The following RSU1 variants were observed in gnomAD, a reference collection of about 807,000 sequenced individuals.
RSU1 encodes the protein Ras suppressor protein 1, also known as rsu-1.
In RSU1, 26 loss-of-function variants were observed where a neutral mutation model predicts 31.1. That is an observed-to-expected ratio of 0.84 (90% CI 0.61 to 1.16). RSU1 has a LOEUF of 1.16. Ranked by LOEUF, RSU1 falls within the 50% of genes most tolerant of loss-of-function variation. The probability of loss-of-function intolerance (pLI) is 0.00; values close to 1 mark genes in which losing one functional copy is unlikely to be tolerated. For synonymous variants in RSU1, 164 were observed against 136.3 expected (o/e 1.20, Z -1.41); for missense variants, 320 against 339.1 (o/e 0.94, Z 0.44).
rs114021664 is a variant in RSU1, at chr10:16,788,971, A to T, written c.110-6887T>A. Among the ~76,000 whole-genome samples, 1,033 of 152,328 alleles carry T rather than the reference A, an allele frequency of 6.8e-3. 17 individuals carry two copies. The highest frequency in any genetic ancestry group is 0.024 in the African/African-American group (994 of 41,564). ...CAGACCATCCATCTGAGAGTCACTG[A>T]AGTCAAAAGAAAACTGAAGGTACTC... On this transcript the variant is annotated intron_variant, in intron 2 of 8. Transcript: ENST00000345264.
At chr10:16,681,658 C>G (rs536904862) in intron 8 of RSU1, among the ~76,000 whole-genome samples, 120 of 152,050 alleles carry the variant, frequency 7.9e-4, no homozygotes, top group Non-Finnish European at 1.0e-3. Context: ...CAGAGATGAT[C>G]TAGTTTGAAA....
At position 16,607,886 on chromosome 10, in the gene RSU1, CAG is replaced by C. The variant is rs1363660401; in HGVS notation, c.732-14392_732-14391del. Among the ~76,000 whole-genome samples, 4 of 152,256 alleles carry C rather than the reference CAG, an allele frequency of 2.6e-5. No homozygotes were observed. The East Asian group carries it at 5.8e-4, about 22-fold the overall frequency. ...ATAATTATCGTGAGTTTTTTTGAGA[CAG>C]AGTCTTGCTCTGTCACCCAGCTGGA... On this transcript the variant is annotated intron_variant, in intron 8 of 8. Transcript: ENST00000345264.
At chr10:16,705,018 A>T (rs994628886) in intron 7 of RSU1, among the ~76,000 whole-genome samples, 1 of 152,278 alleles carries the variant, frequency 6.6e-6, no homozygotes, top group Admixed American at 6.5e-5. Context: ...CCATGCAACA[A>T]TAACTCCCCA....
At chr10:16,615,225 G>A (rs919147284) in intron 8 of RSU1, among the ~76,000 whole-genome samples, 7 of 151,996 alleles carry the variant, frequency 4.6e-5, no homozygotes, top group African/African-American at 1.7e-4. Context: ...AAAAGCAGGG[G>A]TTGCAATTCT....
chr10:16,689,095 G>T (rs1835494888), intron 8 of RSU1, among the ~76,000 whole-genome samples: 1 of 151,696 alleles, frequency 6.6e-6, no homozygotes, highest in African/African-American at 2.4e-5. Flanking sequence ...GGCTTAATTT[G>T]AGCTATTTTC....
At chr10:16,808,297 G>A (rs1838319628) in intron 2 of RSU1, among the ~76,000 whole-genome samples, 1 of 151,612 alleles carries the variant, frequency 6.6e-6, no homozygotes, top group African/African-American at 2.4e-5. Context: ...GGTCAACATG[G>A]CAAAACCCCA....
Position 16,695,182 on chromosome 10 carries a change from G to A in RSU1, c.599-27C>T. The A allele has an allele frequency of 1.9e-6, 3 of 1,550,852 alleles. No individual in the cohort carries two copies. The South Asian group carries it at 3.4e-5, about 18-fold the overall frequency. On this transcript the variant is annotated intron_variant, in intron 7 of 8. Transcript: ENST00000345264. ...TGGGGGGGGGGAAAAAAAAAGTGAAGGTCACTTCATCCAATACAGATCAGG... is the reference window on the plus strand; with the variant it reads ...TGGGGGGGGGGAAAAAAAAAGTGAAAGTCACTTCATCCAATACAGATCAGG...
chr10:16,717,145 A>G (rs1836159057), intron 7 of RSU1, among the ~76,000 whole-genome samples: 1 of 152,192 alleles, frequency 6.6e-6, no homozygotes, highest in Non-Finnish European at 1.5e-5. Flanking sequence ...TACAGAACCT[A>G]AACTTAAGTT....
chr10:16,660,311 T>G (rs1834864035), intron 8 of RSU1, among the ~76,000 whole-genome samples: 1 of 152,160 alleles, frequency 6.6e-6, no homozygotes, highest in Admixed American at 6.5e-5. Context: ...CAGGGGGAAT[T>G]GGCTTGAACA....
At chr10:16,632,712 G>A (rs1834274846) in intron 8 of RSU1, among the ~76,000 whole-genome samples, 1 of 152,138 alleles carries the variant, frequency 6.6e-6, no homozygotes, top group Non-Finnish European at 1.5e-5. Context: ...GCCGAGATGG[G>A]CATATCACTT....
chr10:16,708,644 G>T (rs886481392), intron 7 of RSU1, among the ~76,000 whole-genome samples: 1 of 151,876 alleles, frequency 6.6e-6, no homozygotes, highest in African/African-American at 2.4e-5. Context: ...GATAGGAATT[G>T]CATCAAATCT....
At chr10:16,767,858 C>G (rs1485661268) in intron 3 of RSU1, among the ~76,000 whole-genome samples, 1 of 152,148 alleles carries the variant, frequency 6.6e-6, no homozygotes, top group Non-Finnish European at 1.5e-5. Context: ...GGAAAATAAA[C>G]TACTCCCAAC....
chr10:16,792,002 C>T lies in RSU1; in HGVS notation c.110-9918G>A, dbSNP rs118078897. 1.3e-3 allele frequency among the ~76,000 whole-genome samples: 203 copies of T among 152,172 alleles called. 1 individual carries two copies. The highest frequency in any genetic ancestry group is 4.2e-3 in the African/African-American group (175 of 41,506). ...GCACTTACATCCAGACAGATGAGGG[C>T]GAACAAAGCCAGGATGAGACACGGG... On this transcript the variant is annotated intron_variant, in intron 2 of 8. Transcript: ENST00000345264.
chr10:16,649,589 A>T (rs2131512847), intron 8 of RSU1, among the ~76,000 whole-genome samples: 1 of 152,306 alleles, frequency 6.6e-6, no homozygotes, highest in African/African-American at 2.4e-5. Context: ...AAAACTGCCA[A>T]AGAGGAAAAT....
At chr10:16,703,997 T>C (rs1170410629) in intron 7 of RSU1, among the ~76,000 whole-genome samples, 1 of 152,180 alleles carries the variant, frequency 6.6e-6, no homozygotes, top group East Asian at 1.9e-4. Flanking sequence ...GAAGCCCTAG[T>C]GTTTGCATTT....
chr10:16,706,517 T>C (rs1588482381), intron 7 of RSU1, among the ~76,000 whole-genome samples: 1 of 152,214 alleles, frequency 6.6e-6, no homozygotes, highest in Non-Finnish European at 1.5e-5. Context: ...TTATCAGATA[T>C]ACAATTTACA....
chr10:16,706,894 C>T (rs1388861559), intron 7 of RSU1, among the ~76,000 whole-genome samples: 1 of 152,052 alleles, frequency 6.6e-6, no homozygotes, highest in African/African-American at 2.4e-5. Flanking sequence ...CTTCCCGCCC[C>T]TCCCAGTCTC....
intron 2 of RSU1, among the ~76,000 whole-genome samples, chr10:16,814,187 G>A (rs529554802): frequency 9.6e-4 from 146 of 152,176 alleles, no homozygotes; most frequent in African/African-American, 3.4e-3. Flanking sequence ...CATGTGTAAT[G>A]CCAGCACTTT....
intron 8 of RSU1, among the ~76,000 whole-genome samples, chr10:16,668,424 C>G (rs1411635388): frequency 6.6e-6 from 1 of 152,088 alleles, no homozygotes; most frequent in Non-Finnish European, 1.5e-5. Flanking sequence ...ATCCTGTGAG[C>G]AAAATATATT....
Sources: allele counts gnomAD v4.1 joint callset (sites outside exome capture counted in the v4.1 genomes callset), GRCh38; gene constraint gnomAD v4.1.1; transcripts MANE v1.5; gene names NCBI Gene and HGNC (gene_info 2026-07-23, HGNC 2026-07-21).